CDH8: variants seen among roughly 807,000 people sequenced by gnomAD.
CDH8 encodes the protein cadherin 8, also known as cadherin-8.
A neutral mutation model predicts 68.1 loss-of-function variants in CDH8; 17 were observed. The ratio of observed to expected loss-of-function variants is 0.25; its 90% confidence interval spans 0.17 to 0.37. The LOEUF is 0.37. Ranked by LOEUF, CDH8 falls within the 10% of genes least tolerant of loss-of-function variation. CDH8 has a pLI of 1.00. For synonymous variants in CDH8, 372 were observed against 365.1 expected (o/e 1.02, Z -0.21); for missense variants, 763 against 999.3 (o/e 0.76, Z 3.19).
At chr16:61,703,830 A>G (rs951074377) in intron 10 of CDH8, among the ~76,000 whole-genome samples, 2 of 151,592 alleles carry the variant, frequency 1.3e-5, no homozygotes, top group Non-Finnish European at 2.9e-5. Context: ...CACAGACTCC[A>G]TATAAAAAAA....
intron 4 of CDH8, 142 bp from the exon 5 acceptor site, chr16:61,825,321 TTGG>T: frequency 1.6e-6 from 1 of 623,758 alleles, no homozygotes; most frequent in East Asian, 2.9e-5. Flanking sequence ...TGACATTTGA[TTGG>T]TGTGTGCCTG....
intron 7 of CDH8, among the ~76,000 whole-genome samples, chr16:61,800,756 C>T (rs1422672523): frequency 2.0e-5 from 3 of 152,174 alleles, no homozygotes; most frequent in Admixed American, 1.3e-4. Flanking sequence ...CCATTTCCAC[C>T]GTGCTCTCTT....
chr16:61,698,056 T>C (rs1467275184), intron 10 of CDH8, among the ~76,000 whole-genome samples: 1 of 152,212 alleles, frequency 6.6e-6, no homozygotes, highest in Admixed American at 6.5e-5. Context: ...GTTTTATAAA[T>C]GTATTTACTC....
At chr16:61,899,831 G>GACAC (rs35171683) in intron 3 of CDH8, among the ~76,000 whole-genome samples, 5,674 of 147,288 alleles carry the variant, frequency 0.039, 142 homozygotes, top group East Asian at 0.13. Flanking sequence ...ATGTTATAAA[G>GACAC]ACACACACAC....
intron 2 of CDH8, among the ~76,000 whole-genome samples, chr16:61,988,452 G>A (rs1156282241): frequency 1.3e-5 from 2 of 152,062 alleles, no homozygotes; most frequent in Non-Finnish European, 2.9e-5. Context: ...ACCAAGCCCT[G>A]CATTTTCATT....
intron 3 of CDH8, among the ~76,000 whole-genome samples, chr16:61,900,025 C>T (rs1963941120): frequency 6.6e-6 from 1 of 152,168 alleles, no homozygotes; most frequent in Admixed American, 6.5e-5. Flanking sequence ...TTATTGAAGA[C>T]ACTATATGTC....
At chr16:61,999,738 G>A (rs943246114) in intron 2 of CDH8, among the ~76,000 whole-genome samples, 7 of 151,840 alleles carry the variant, frequency 4.6e-5, no homozygotes, top group Admixed American at 3.3e-4. Context: ...GCTCACTGGG[G>A]CATGAAAAGA....
intron 8 of CDH8, among the ~76,000 whole-genome samples, chr16:61,767,496 G>A (rs1960624847): frequency 6.6e-6 from 1 of 151,840 alleles, no homozygotes; most frequent in Admixed American, 6.6e-5. Context: ...CTGTAGTAAA[G>A]AATAAAGAAT....
intron 2 of CDH8, among the ~76,000 whole-genome samples, chr16:61,976,428 A>G (rs1965435599): frequency 6.6e-6 from 1 of 152,054 alleles, no homozygotes; most frequent in Admixed American, 6.6e-5. Context: ...GAGCCTTCTG[A>G]TATCTTGGCA....
At chr16:61,784,123 T>C (rs1220092820) in intron 8 of CDH8, among the ~76,000 whole-genome samples, 3 of 151,288 alleles carry the variant, frequency 2.0e-5, no homozygotes, top group Admixed American at 2.0e-4. Flanking sequence ...AATTCTCCAA[T>C]TAAAAGACAC....
chr16:62,016,494 A>G (rs1433308428), intron 2 of CDH8, among the ~76,000 whole-genome samples: 2 of 152,334 alleles, frequency 1.3e-5, no homozygotes, highest in African/African-American at 4.8e-5. Flanking sequence ...ACCACAGAAT[A>G]GTATTTTTGT....
intron 4 of CDH8, among the ~76,000 whole-genome samples, chr16:61,842,054 ATT>A (rs543607290): frequency 6.0e-5 from 8 of 132,406 alleles, no homozygotes; most frequent in Admixed American, 7.7e-5. Context: ...CGCCCGGCTA[ATT>A]TTTTTTTTTT....
At chr16:61,830,423 C>A (rs1405791236) in intron 4 of CDH8, among the ~76,000 whole-genome samples, 3 of 151,748 alleles carry the variant, frequency 2.0e-5, no homozygotes, top group Non-Finnish European at 4.4e-5. Flanking sequence ...AATGGCATTT[C>A]TTATCCATTT....
chr16:61,841,121 T>TATC (rs1389287079), intron 4 of CDH8, among the ~76,000 whole-genome samples: 1 of 152,188 alleles, frequency 6.6e-6, no homozygotes, highest in Non-Finnish European at 1.5e-5. Flanking sequence ...AATGGACACT[T>TATC]AGATTGCTTC....
At chr16:61,754,128 C>T (rs1210410682) in intron 8 of CDH8, among the ~76,000 whole-genome samples, 1 of 152,056 alleles carries the variant, frequency 6.6e-6, no homozygotes, top group African/African-American at 2.4e-5. Context: ...AGATAAAATC[C>T]TTTCTAACGT....
chr16:61,705,586 A>G (rs572393925), intron 10 of CDH8, among the ~76,000 whole-genome samples: 73 of 152,296 alleles, frequency 4.8e-4, no homozygotes, highest in Admixed American at 2.3e-3. Context: ...TAAGGACACC[A>G]ATATGAAACT....
intron 8 of CDH8, among the ~76,000 whole-genome samples, chr16:61,778,713 C>G (rs1960962644): frequency 6.6e-6 from 1 of 152,014 alleles, no homozygotes; most frequent in Admixed American, 6.6e-5. Context: ...TAATCATTTC[C>G]GTTCACAGAC....
Position 61,652,790 on chromosome 16 carries a change from C to A in CDH8, c.*818G>T, listed in dbSNP as rs760846448. Reference sequence around the variant, plus strand: ...TTCGAGGATTAAACAAATAAATTCACGCGCTAGCAATAAAACCATCTGTCT... The same window carrying A: ...TTCGAGGATTAAACAAATAAATTCAAGCGCTAGCAATAAAACCATCTGTCT... On this transcript the variant is annotated 3_prime_UTR_variant, in exon 12 of 12. Coordinates refer to ENST00000577390, the MANE Select transcript of CDH8 (RefSeq NM_001796.5). 11 of 1,342,362 alleles carry A rather than the reference C, an allele frequency of 8.2e-6. No homozygotes were observed. In the African/African-American group the frequency reaches 1.5e-4, roughly 18 times the overall value. The allele number at this position is 1,342,362 out of a possible 1,614,324, so 83.2% of individuals were successfully genotyped here. A position where few individuals can be genotyped will look rare whatever the true frequency, so the allele number is the denominator to read the frequency against.
At chr16:62,011,089 G>A (rs1330548030) in intron 2 of CDH8, among the ~76,000 whole-genome samples, 1 of 151,290 alleles carries the variant, frequency 6.6e-6, no homozygotes, top group Non-Finnish European at 1.5e-5. Context: ...GGATTAGGGA[G>A]AAATAAAAAT....
Sources: allele counts gnomAD v4.1 joint callset (sites outside exome capture counted in the v4.1 genomes callset), GRCh38; gene constraint gnomAD v4.1.1; transcripts MANE v1.5; gene names NCBI Gene and HGNC (gene_info 2026-07-23, HGNC 2026-07-21).